Variants in OR1F1 observed in about 807,000 individuals in gnomAD.
OR1F1 encodes olfactory receptor 1F1.
For synonymous variants in OR1F1, 184 were observed against 156.7 expected (o/e 1.17, Z -1.30); for missense variants, 493 against 376.3 (o/e 1.31, Z -2.57).
the OR1F1 span, among the ~76,000 whole-genome samples, chr16:3,191,843 G>A: frequency 6.6e-6 from 1 of 152,132 alleles, no homozygotes; most frequent in African/African-American, 2.4e-5. Flanking sequence ...TCCCCACTTT[G>A]TGCGGTGCGG....
chr16:3,198,001 A>G, the OR1F1 span, among the ~76,000 whole-genome samples: 87 of 5,734 alleles, frequency 0.015, no homozygotes, highest in Non-Finnish European at 0.022. Context: ...GAGAGGGAGA[A>G]GGAGAGGGAG....
At chr16:3,204,544 C>A in exon 1 of OR1F1, 1 of 1,614,176 alleles carries the variant, frequency 6.2e-7, no homozygotes. Flanking sequence ...CTGTCTCACA[C>A]AGATGTATTT....
chr16:3,188,629 G>C, the OR1F1 span: 2 of 152,158 alleles, frequency 1.3e-5, no homozygotes, highest in East Asian at 3.9e-4. Context: ...GGCGGGGTGG[G>C]GGTCTCGGCC....
At chr16:3,202,256 GA>G (rs1958143078), upstream of OR1F1, among the ~76,000 whole-genome samples, 1 of 152,212 alleles carries the variant, frequency 6.6e-6, no homozygotes, top group South Asian at 2.1e-4. Context: ...GCCACATGAG[GA>G]GAGGTAATCT....
At chr16:3,189,668 G>GT in the OR1F1 span, 1 of 151,842 alleles carries the variant, frequency 6.6e-6, no homozygotes, top group Non-Finnish European at 1.5e-5. Context: ...TCTCGCTTAG[G>GT]GTGCGAGAGG....
the OR1F1 span, among the ~76,000 whole-genome samples, chr16:3,188,870 G>A: frequency 1.3e-5 from 2 of 152,318 alleles, no homozygotes; most frequent in Admixed American, 6.5e-5. Flanking sequence ...ACGTCCTGGG[G>A]ACTGGAGGTC....
At chr16:3,195,872 A>T in the OR1F1 span, among the ~76,000 whole-genome samples, 1 of 151,876 alleles carries the variant, frequency 6.6e-6, no homozygotes, top group Non-Finnish European at 1.5e-5. Context: ...ATCTGGGCAC[A>T]CCTTGGGACT....
chr16:3,204,160 C>A, upstream of OR1F1: 1 of 945,936 alleles, frequency 1.1e-6, no homozygotes, highest in East Asian at 2.6e-5. Flanking sequence ...ATTCTACTGC[C>A]ATTCCTGTGC....
chr16:3,196,731 C>T, the OR1F1 span, among the ~76,000 whole-genome samples: 121 of 117,936 alleles, frequency 1.0e-3, no homozygotes, highest in Admixed American at 1.9e-3. Context: ...AATGGAGTTT[C>T]GCTGTTGTTG....
At chr16:3,204,227 G>C (rs370072281), upstream of OR1F1, 6 of 1,554,526 alleles carry the variant, frequency 3.9e-6, no homozygotes, top group African/African-American at 5.5e-5. Context: ...GTCTGCCTCT[G>C]TGTCCAGGAT....
At chr16:3,196,006 C>T in the OR1F1 span, among the ~76,000 whole-genome samples, 124 of 152,316 alleles carry the variant, frequency 8.1e-4, no homozygotes, top group Middle Eastern at 6.8e-3. Flanking sequence ...GCCAGCAGGA[C>T]GCGTGGGTCA....
the OR1F1 span, among the ~76,000 whole-genome samples, chr16:3,193,692 G>A: frequency 1.3e-5 from 2 of 152,158 alleles, no homozygotes. Flanking sequence ...CCACTTCCTA[G>A]GCTCAAGCGA....
At chr16:3,201,797 C>A (rs1415299776), upstream of OR1F1, among the ~76,000 whole-genome samples, 1 of 152,132 alleles carries the variant, frequency 6.6e-6, no homozygotes, top group Non-Finnish European at 1.5e-5. Flanking sequence ...GACATACCCA[C>A]CAGTGACACC....
At chr16:3,202,974 C>G (rs959209668), upstream of OR1F1, among the ~76,000 whole-genome samples, 9 of 150,368 alleles carry the variant, frequency 6.0e-5, no homozygotes, top group African/African-American at 2.3e-4. Flanking sequence ...TTCTTAATCC[C>G]AGTACAGCTT....
At chr16:3,193,721 C>T in the OR1F1 span, among the ~76,000 whole-genome samples, 3 of 152,128 alleles carry the variant, frequency 2.0e-5, no homozygotes, top group Non-Finnish European at 4.4e-5. Context: ...CCTCAGCCTC[C>T]CAAGTAGATG....
chr16:3,193,606 A>AT, the OR1F1 span, among the ~76,000 whole-genome samples: 11 of 151,488 alleles, frequency 7.3e-5, no homozygotes, highest in Middle Eastern at 3.4e-3. Context: ...GGCTAAGACT[A>AT]TTTTTTTTGA....
upstream of OR1F1, among the ~76,000 whole-genome samples, chr16:3,202,492 T>TCTC (rs1289379369): frequency 2.0e-5 from 3 of 152,058 alleles, no homozygotes; most frequent in Admixed American, 2.0e-4. Flanking sequence ...CAGTGTCCAT[T>TCTC]CTCCTCCTCC....
chr16:3,197,667 G>GT, the OR1F1 span, among the ~76,000 whole-genome samples: 1,395 of 1,986 alleles, frequency 0.7, 606 homozygotes, highest in Middle Eastern at 0.9. Context: ...AAGCTTAAAT[G>GT]GGCTGGGGAG....
exon 1 of OR1F1, chr16:3,204,549 G>A (rs138845795): frequency 1.4e-4 from 231 of 1,614,032 alleles, no homozygotes; most frequent in Non-Finnish European, 1.3e-4. Flanking sequence ...TCACACAGAT[G>A]TATTTCGTTT....
Sources: allele counts gnomAD v4.1 joint callset (sites outside exome capture counted in the v4.1 genomes callset), GRCh38; gene constraint gnomAD v4.1.1; transcripts MANE v1.5; gene names NCBI Gene and HGNC (gene_info 2026-07-23, HGNC 2026-07-21).